Variants in MIOS observed in about 807,000 individuals in gnomAD.
The protein encoded by MIOS is GATOR2 complex protein MIOS.
Under a neutral mutation model 96.9 loss-of-function variants are expected in MIOS, and 52 were observed. That is an observed-to-expected ratio of 0.54 (90% CI 0.43 to 0.68). The LOEUF (loss-of-function observed/expected upper bound fraction) is 0.68. Among genes scored for constraint, MIOS ranks in the 30% least tolerant of loss-of-function variants. MIOS has a pLI of 0.00. For synonymous variants in MIOS, 397 were observed against 359.5 expected, an observed-to-expected ratio of 1.10 and a Z score of -1.18; for missense variants, 1,005 against 1,052.8, an observed-to-expected ratio of 0.95 and a Z score of 0.63.
chr7:7,572,377 C>T lies in MIOS; in HGVS notation c.-40-59C>T, dbSNP rs1213770367. ...TTTCTGACTTTCTGAATAGTTTATT[C>T]AACGTAAGAATTATATTTTGCTGAT... On this transcript the variant is annotated intron_variant, in intron 3 of 12. Transcript: ENST00000340080. This position sits in a 1 kb window ranked among gnomAD's most constrained non-coding sequence, Gnocchi z 4.8. 11 of 831,436 alleles carry T rather than the reference C, an allele frequency of 1.3e-5. No homozygotes were observed. The highest frequency in any genetic ancestry group is 2.0e-5 in the Non-Finnish European group (11 of 557,120). 51.5% of individuals were successfully genotyped at this position (831,436 alleles called of 1,614,324 possible). A position where few individuals can be genotyped will look rare whatever the true frequency, so the allele number is the denominator to read the frequency against.
chr7:7,607,031 G>A lies in MIOS; in HGVS notation c.2567G>A (p.Cys856Tyr), dbSNP rs763205724. Residue 856 changes from cysteine (C) to tyrosine (Y), a missense_variant, in exon 13 of 13, where the codon TGT (cysteine) becomes TAT (tyrosine). Around this residue, in one of 3 missense-constraint regions of MIOS, gnomAD observed 865 missense variants for 887.9 expected, o/e 0.97. Coordinates refer to ENST00000340080, the MANE Select transcript of MIOS (RefSeq NM_019005.4). ...GAGTGCCCTGTGTCGGCATGCACGT[G>A]TAAATGTATGCAGTTGGATACAACA... ...HAECPVSACT[C>Y]KCMQLDTTGN... The A allele has an allele frequency of 1.9e-6, 3 of 1,613,042 alleles. No individual in the cohort carries two copies. The highest frequency in any genetic ancestry group is 2.5e-6 in the Non-Finnish European group (3 of 1,179,476).
chr7:7,589,638 A>G (rs1485234784), intron 9 of MIOS, 75 bp downstream of exon 9: 36 of 1,488,832 alleles, frequency 2.4e-5, no homozygotes, highest in Non-Finnish European at 3.1e-5. Context: ...GAAAGTAAAT[A>G]TGCACTTTTG....
intron 5 of MIOS, among the ~76,000 whole-genome samples, chr7:7,578,885 A>T (rs192342613): frequency 6.6e-6 from 1 of 151,970 alleles, no homozygotes; most frequent in East Asian, 1.9e-4. Context: ...TAATTTTTGT[A>T]TTTTTTGTAG....
At chr7:7,570,208 T>A (rs1309553723) in intron 3 of MIOS, among the ~76,000 whole-genome samples, 1 of 152,186 alleles carries the variant, frequency 6.6e-6, no homozygotes, top group Non-Finnish European at 1.5e-5. Context: ...GAGACTATCC[T>A]CTGTGTGGTA....
At chr7:7,579,624 A>G (rs927201917) in intron 5 of MIOS, among the ~76,000 whole-genome samples, 2 of 152,238 alleles carry the variant, frequency 1.3e-5, no homozygotes, top group African/African-American at 4.8e-5. Context: ...CACATAAAAT[A>G]CACTAAGAAT....
At chr7:7,601,797 G>A (rs1229949007) in intron 11 of MIOS, among the ~76,000 whole-genome samples, 7 of 152,190 alleles carry the variant, frequency 4.6e-5, no homozygotes, top group Non-Finnish European at 8.8e-5. Flanking sequence ...CAATATCCTT[G>A]ATGAACATTG....
At chr7:7,594,481 G>A (rs1583649694) in intron 9 of MIOS, among the ~76,000 whole-genome samples, 1 of 152,088 alleles carries the variant, frequency 6.6e-6, no homozygotes, top group African/African-American at 2.4e-5. Flanking sequence ...TTTTACTAGA[G>A]ACAGGGTTTC....
At position 7,583,245 on chromosome 7, in the gene MIOS, C is replaced by T. The variant is rs760095430; in HGVS notation, c.1521C>T (p.Asp507=). 87 of 1,613,924 alleles carry T rather than the reference C, an allele frequency of 5.4e-5. No homozygotes were observed. Among genetic ancestry groups the T allele is most frequent in the Non-Finnish European group, 7.1e-5 (84 of 1,179,992 alleles). ...CGWIKKGTDV[D]VGPFLNSLVQ... ...GGATAAAGAAAGGAACGGATGTAGACGTGGGGCCATTTTTGAACTCCCTTG... is the reference window on the plus strand; with the variant it reads ...GGATAAAGAAAGGAACGGATGTAGATGTGGGGCCATTTTTGAACTCCCTTG... Residue 507 remains aspartate, a synonymous_variant, in exon 6 of 13, where the codon GAC becomes GAT. Transcript: ENST00000340080.
chr7:7,589,646 T>G (rs1783992033), intron 9 of MIOS, 83 bp downstream of exon 9: 2 of 1,455,980 alleles, frequency 1.4e-6, no homozygotes, highest in Non-Finnish European at 1.9e-6. Flanking sequence ...ATATGCACTT[T>G]TGCTTGCTTA....
intron 12 of MIOS, 70 bp from the exon 13 acceptor site, chr7:7,606,926 A>T (rs539694225): frequency 1.7e-6 from 2 of 1,187,544 alleles, no homozygotes; most frequent in Non-Finnish European, 2.4e-6. Context: ...TCTCTTAAAA[A>T]ATAAATAAAT....
intron 9 of MIOS, among the ~76,000 whole-genome samples, chr7:7,592,964 C>G (rs1334353677): frequency 6.6e-6 from 1 of 152,170 alleles, no homozygotes; most frequent in Non-Finnish European, 1.5e-5. Context: ...ACTATTTTCC[C>G]AAGCCCTTCT....
At chr7:7,583,074 T>A (rs372088533) in intron 5 of MIOS, 44 bp from the exon 6 acceptor site, 6 of 1,550,212 alleles carry the variant, frequency 3.9e-6, no homozygotes, top group Non-Finnish European at 5.2e-6. Flanking sequence ...ACTTTCCAAA[T>A]ATATTTTGAA....
chr7:7,606,913 C>G, intron 12 of MIOS, 83 bp from the exon 13 acceptor site: 2 of 1,104,052 alleles, frequency 1.8e-6, no homozygotes, highest in South Asian at 1.3e-5. Context: ...TAGGGAGACC[C>G]TGTCTCTTAA....
intron 1 of MIOS, 32 bp downstream of exon 1, chr7:7,567,104 C>G (rs1204359288): frequency 2.0e-5 from 3 of 152,092 alleles, no homozygotes; most frequent in Non-Finnish European, 4.4e-5. Flanking sequence ...CGCGTCTCGA[C>G]TCTCGGGAGC....
At chr7:7,599,292 G>A (rs539891286) in intron 11 of MIOS, among the ~76,000 whole-genome samples, 2 of 152,206 alleles carry the variant, frequency 1.3e-5, no homozygotes, top group Non-Finnish European at 2.9e-5. Flanking sequence ...ATACTAACGA[G>A]TTTGATTACA....
rs372097632 is a variant in MIOS at position 7,594,973 on chromosome 7, G to A, written c.2044-7G>A. The A allele has an allele frequency of 8.8e-6, 14 of 1,585,800 alleles. No homozygotes were observed. The highest frequency in any genetic ancestry group is 6.9e-5 in the East Asian group (3 of 43,764). The stretch of plus-strand genomic sequence containing the variant: ...AACAATTGAAATAATTCATGTTTTC[G>A]TTTTAGGGTTCACCTTTAGATGTTC... On this transcript the variant is annotated splice_polypyrimidine_tract_variant and splice_region_variant and intron_variant, in intron 9 of 12. Coordinates refer to ENST00000340080, the MANE Select transcript of MIOS (RefSeq NM_019005.4).
chr7:7,568,781 T>C (rs939924067), intron 3 of MIOS, among the ~76,000 whole-genome samples: 1 of 152,268 alleles, frequency 6.6e-6, no homozygotes, highest in Non-Finnish European at 1.5e-5. Flanking sequence ...GTCTTCACTT[T>C]ACTCCTTTGT....
rs780226012 is a variant in MIOS at position 7,585,719 on chromosome 7, A to C, written c.1732A>C (p.Thr578Pro). ...KNSLWREMCSTLRLQLNNPYL... is the reference protein window; with the variant it reads ...KNSLWREMCSPLRLQLNNPYL... ...CTCCCTTTGGAGAGAAATGTGTAGC[A>C]CACTGCGATTACAGCTAAATAACCC... Residue 578 changes from threonine to proline, a missense_variant, in exon 7 of 13, where the codon ACA (threonine) becomes CCA (proline). Thr to Pro is a conservative substitution (Grantham distance 38, BLOSUM62 -1). Transcript: ENST00000340080. 3 of 1,613,056 alleles carry C rather than the reference A, an allele frequency of 1.9e-6. No individual in the cohort carries two copies. Among genetic ancestry groups the C allele is most frequent in the Non-Finnish European group, 2.5e-6 (3 of 1,179,476 alleles).
At chr7:7,606,113 G>C (rs774267992) in intron 12 of MIOS, 42 bp downstream of exon 12, 1 of 1,599,772 alleles carries the variant, frequency 6.3e-7, no homozygotes, top group South Asian at 1.1e-5. Flanking sequence ...GGAGTTATGG[G>C]GGATAACACA....
Sources: allele counts gnomAD v4.1 joint callset (sites outside exome capture counted in the v4.1 genomes callset), GRCh38; gene constraint gnomAD v4.1.1; regional missense constraint gnomAD v4.1.1; non-coding constraint Gnocchi (gnomAD v3.1); transcripts MANE v1.5; gene names NCBI Gene and HGNC (gene_info 2026-07-23, HGNC 2026-07-21).